The following LRMDA variants were observed in gnomAD, a reference collection of about 807,000 sequenced individuals.
LRMDA encodes the protein leucine-rich melanocyte differentiation-associated protein.
In LRMDA, 18 loss-of-function variants were observed where a neutral mutation model predicts 29.8. That is an observed-to-expected ratio of 0.60 (90% CI 0.42 to 0.90). The LOEUF (loss-of-function observed/expected upper bound fraction) is 0.90, where lower values mean the gene tolerates loss of function less well. LRMDA is among the 40% of genes least tolerant of loss of function. LRMDA has a pLI of 0.00. For synonymous variants in LRMDA, 125 were observed against 109.4 expected (o/e 1.14, Z -0.89); for missense variants, 273 against 273.9 (o/e 1.00, Z 0.02).
intron 2 of LRMDA, among the ~76,000 whole-genome samples, chr10:75,936,669 G>A (rs1259145914): frequency 6.6e-6 from 1 of 152,126 alleles, no homozygotes; most frequent in Non-Finnish European, 1.5e-5. Context: ...GTCTGGTGAG[G>A]TCTTACTTTA....
chr10:75,582,050 G>C (rs918861753), intron 2 of LRMDA, among the ~76,000 whole-genome samples: 1 of 152,224 alleles, frequency 6.6e-6, no homozygotes, highest in Non-Finnish European at 1.5e-5. Context: ...CTGTGACTTT[G>C]TAGGGTTCAG....
At chr10:76,203,092 C>A (rs1851463512) in intron 5 of LRMDA, among the ~76,000 whole-genome samples, 1 of 152,162 alleles carries the variant, frequency 6.6e-6, no homozygotes, top group African/African-American at 2.4e-5. Flanking sequence ...AATGGAAATG[C>A]TTTCTAATGC....
intron 2 of LRMDA, among the ~76,000 whole-genome samples, chr10:75,612,751 T>C (rs1841048439): frequency 6.6e-6 from 1 of 151,190 alleles, no homozygotes. Flanking sequence ...GCCCTCTCAC[T>C]GTGAAAGTAT....
chr10:76,390,890 G>C (rs1362137306), intron 6 of LRMDA, among the ~76,000 whole-genome samples: 1 of 152,142 alleles, frequency 6.6e-6, no homozygotes, highest in Non-Finnish European at 1.5e-5. Context: ...GTTCACCAAA[G>C]GTGATAAGTT....
At chr10:76,033,314 T>C (rs902259027) in intron 2 of LRMDA, among the ~76,000 whole-genome samples, 13 of 152,348 alleles carry the variant, frequency 8.5e-5, no homozygotes, top group African/African-American at 3.1e-4. Context: ...TATGGTTCTC[T>C]TTTTACTGAG....
chr10:75,483,921 T>C (rs1844881254), intron 2 of LRMDA, among the ~76,000 whole-genome samples: 1 of 141,358 alleles, frequency 7.1e-6, no homozygotes, highest in Non-Finnish European at 1.5e-5. Context: ...CAGGGCTTTT[T>C]TGGCATTTAT....
At chr10:75,761,545 G>A (rs72809494) in intron 2 of LRMDA, among the ~76,000 whole-genome samples, 1,740 of 152,148 alleles carry the variant, frequency 0.011, 16 homozygotes, top group Middle Eastern at 0.031. Flanking sequence ...AGGGAAACGG[G>A]GACTTACTGT....
At chr10:75,539,520 C>A (rs78345054) in intron 2 of LRMDA, among the ~76,000 whole-genome samples, 315 of 152,148 alleles carry the variant, frequency 2.1e-3, no homozygotes, top group African/African-American at 7.4e-3. Context: ...ACATTATAAG[C>A]CTCGGTTTGG....
At chr10:76,256,289 T>G (rs908173567) in intron 5 of LRMDA, among the ~76,000 whole-genome samples, 8 of 152,238 alleles carry the variant, frequency 5.3e-5, no homozygotes, top group African/African-American at 1.7e-4. Context: ...ATCAATGGTC[T>G]TCATTTCTCT....
At chr10:76,050,753 G>A (rs1848517407) in intron 4 of LRMDA, among the ~76,000 whole-genome samples, 1 of 152,184 alleles carries the variant, frequency 6.6e-6, no homozygotes, top group Non-Finnish European at 1.5e-5. Context: ...AAATCAATAT[G>A]GGAAAGTTGG....
chr10:76,393,579 G>C (rs887008318), intron 6 of LRMDA, among the ~76,000 whole-genome samples: 2 of 151,920 alleles, frequency 1.3e-5, no homozygotes, highest in African/African-American at 4.8e-5. Flanking sequence ...TCAGATGCAT[G>C]GTTTGCAAAT....
intron 2 of LRMDA, among the ~76,000 whole-genome samples, chr10:75,547,206 C>T (rs1463235644): frequency 6.6e-6 from 1 of 152,184 alleles, no homozygotes; most frequent in African/African-American, 2.4e-5. Flanking sequence ...CATCAGTGCA[C>T]CCAACTTCAT....
At chr10:76,124,282 G>A (rs1489325064) in intron 5 of LRMDA, among the ~76,000 whole-genome samples, 1 of 152,198 alleles carries the variant, frequency 6.6e-6, no homozygotes, top group Non-Finnish European at 1.5e-5. Context: ...ATTTGCTTAG[G>A]TAACAAGACA....
At chr10:75,715,815 G>A (rs188939305) in intron 2 of LRMDA, among the ~76,000 whole-genome samples, 615 of 49,758 alleles carry the variant, frequency 0.012, 5 homozygotes, top group African/African-American at 0.042. Context: ...TTTCCCTCCC[G>A]CCCTCCCTCC....
At chr10:76,447,278 T>G (rs1176442175) in intron 6 of LRMDA, among the ~76,000 whole-genome samples, 1 of 152,180 alleles carries the variant, frequency 6.6e-6, no homozygotes, top group Non-Finnish European at 1.5e-5. Context: ...ACATAGTGCT[T>G]TCTTATTCAA....
chr10:75,621,888 G>A (rs1362403070), intron 2 of LRMDA, among the ~76,000 whole-genome samples: 2 of 152,164 alleles, frequency 1.3e-5, no homozygotes, highest in Non-Finnish European at 2.9e-5. Context: ...AGATGAAGGT[G>A]TGGGCTATTA....
intron 6 of LRMDA, among the ~76,000 whole-genome samples, chr10:76,365,463 G>C (rs569987217): frequency 6.6e-6 from 1 of 152,142 alleles, no homozygotes; most frequent in African/African-American, 2.4e-5. Flanking sequence ...AGGTGGTATT[G>C]CATTGTGGTT....
Position 76,487,077 on chromosome 10 carries a change from A to T in LRMDA, c.602-70132A>T, listed in dbSNP as rs985905263. On this transcript the variant is annotated intron_variant, in intron 6 of 6. Transcript: ENST00000611255. The stretch of plus-strand genomic sequence containing the variant: ...TGGAAATTTTTTTTCTTGGGCAGTA[A>T]CAACATTAAGAACGGTGATGATGAA... 4.6e-5 allele frequency among the ~76,000 whole-genome samples: 7 copies of T among 151,938 alleles called. 1 individual carries two copies. The highest frequency in any genetic ancestry group is 8.8e-5 in the Non-Finnish European group (6 of 67,930).
chr10:75,968,483 A>T (rs1846906818), intron 2 of LRMDA, among the ~76,000 whole-genome samples: 1 of 152,180 alleles, frequency 6.6e-6, no homozygotes, highest in Admixed American at 6.5e-5. Context: ...AGAGTGATAG[A>T]GGGAAGGCTG....
Sources: gnomAD v4.1 joint callset for allele counts (sites outside exome capture counted in the v4.1 genomes callset) on GRCh38, gnomAD v4.1.1 for gene constraint, MANE v1.5 for transcripts, NCBI Gene and HGNC (gene_info 2026-07-23, HGNC 2026-07-21) for gene names.